Variants in LRP8 observed in about 807,000 individuals in gnomAD.
LRP8 encodes the protein LDL receptor related protein 8.
In LRP8, 46 loss-of-function variants were observed where a neutral mutation model predicts 111.6. That is an observed-to-expected ratio of 0.41 (90% CI 0.33 to 0.53). The LOEUF (loss-of-function observed/expected upper bound fraction) is 0.53, where lower values mean the gene tolerates loss of function less well. LRP8 is among the 20% of genes least tolerant of loss of function. LRP8 has a pLI of 0.20. For missense variants in LRP8, 959 were observed against 1,297.4 expected (o/e 0.74, Z 4.01); for synonymous variants, 464 against 511.2 (o/e 0.91, Z 1.24).
intron 3 of LRP8, among the ~76,000 whole-genome samples, chr1:53,287,561 G>A (rs1647755860): frequency 6.6e-6 from 1 of 152,230 alleles, no homozygotes; most frequent in East Asian, 1.9e-4. Context: ...CTCCTGGGGT[G>A]CTGCCTTGGC....
chr1:53,318,621 G>C (rs1477665014), intron 2 of LRP8, among the ~76,000 whole-genome samples: 1 of 152,152 alleles, frequency 6.6e-6, no homozygotes, highest in East Asian at 1.9e-4. Context: ...GAAAAACATG[G>C]AAGCAACCAA....
chr1:53,297,087 C>A (rs929500703), intron 2 of LRP8, among the ~76,000 whole-genome samples: 4 of 152,300 alleles, frequency 2.6e-5, no homozygotes, highest in African/African-American at 9.6e-5. Context: ...TAACCCCTCC[C>A]TGGACATGTG....
chr1:53,251,815 A>G (rs972882419), intron 16 of LRP8, among the ~76,000 whole-genome samples: 9 of 152,010 alleles, frequency 5.9e-5, no homozygotes, highest in Admixed American at 5.9e-4. Context: ...AGGCTGAGGC[A>G]GGCAGATTAC....
chr1:53,300,988 G>A (rs115753007), intron 2 of LRP8, among the ~76,000 whole-genome samples: 21 of 152,338 alleles, frequency 1.4e-4, no homozygotes, highest in African/African-American at 4.8e-4. Flanking sequence ...CTCACAAGGT[G>A]AGAGTGAAAG....
At position 53,281,461 on chromosome 1, in the gene LRP8, G is replaced by A. The variant is rs1006993308; in HGVS notation, c.368-746C>T. Among the ~76,000 whole-genome samples the A allele has an allele frequency of 2.6e-5, 4 of 152,248 alleles. 1 individual carries two copies. The highest frequency in any genetic ancestry group is 5.9e-5 in the Non-Finnish European group (4 of 68,044). ...TGTGACAGGCTCAGCCAAGGCAGAT[G>A]CATCTCAGACCTCCGTGGTTGGCTC... On this transcript the variant is annotated intron_variant, in intron 3 of 18. Transcript: ENST00000306052.
chr1:53,249,832 T>C lies in LRP8; in HGVS notation c.2677-276A>G, dbSNP rs1645840138. Among the ~76,000 whole-genome samples, 1 of 152,262 alleles carries C rather than the reference T, an allele frequency of 6.6e-6. No homozygotes were observed. Among genetic ancestry groups the C allele is most frequent in the Non-Finnish European group, 1.5e-5 (1 of 68,052 alleles). ...TGCCTGATTCCCCAGACAGAATTAA[T>C]AGCTCCCTTGTTGATGTTTCCATGG... is the stretch of plus-strand genomic sequence containing the variant. On this transcript the variant is annotated intron_variant, in intron 17 of 18. Coordinates refer to ENST00000306052, the MANE Select transcript of LRP8 (RefSeq NM_004631.5). The surrounding 1 kb of genome is among the most constrained non-coding windows in gnomAD (Gnocchi z 4.1).
intron 6 of LRP8, chr1:53,274,833 A>G (rs958845477): frequency 1.5e-5 from 7 of 456,170 alleles, no homozygotes; most frequent in Admixed American, 4.7e-5. Flanking sequence ...GTTGGGCCGG[A>G]CAAGAGAGTG....
In LRP8 at chr1:53,249,434, C is replaced by T; in HGVS notation, c.2799G>A (p.Gln933=). 6 of 1,614,250 alleles carry T rather than the reference C, an allele frequency of 3.7e-6. No individual in the cohort carries two copies. The highest frequency in any genetic ancestry group is 5.1e-6 in the Non-Finnish European group (6 of 1,180,046). ...LFVLPGEPRS[Q]LHQLPKNPLS... The stretch of plus-strand genomic sequence containing the variant: ...GAGGGTTCTTCGGGAGTTGGTGCAG[C>T]TGTGACCTTGGTTCCCCCGGCAAGA... Residue 933 remains glutamine, a synonymous_variant, in exon 18 of 19, where the codon CAG becomes CAA. Transcript: ENST00000306052. This position sits in a 1 kb window ranked among gnomAD's most constrained non-coding sequence, Gnocchi z 4.1.
At position 53,279,340 on chromosome 1, in the gene LRP8, T is replaced by C. The variant is rs559539062; in HGVS notation, c.496+1247A>G. Among the ~76,000 whole-genome samples the C allele has an allele frequency of 2.0e-5, 3 of 152,322 alleles. No homozygotes were observed. The highest frequency in any genetic ancestry group is 7.2e-5 in the African/African-American group (3 of 41,576). On this transcript the variant is annotated intron_variant, in intron 4 of 18. Transcript: ENST00000306052. This position sits in a 1 kb window ranked among gnomAD's most constrained non-coding sequence, Gnocchi z 4.4. The stretch of plus-strand genomic sequence containing the variant: ...CCATAATTAATGGGGAATGTTCCTA[T>C]TCCAACATGCCCTAGTTGGAGAGAC...
rs560862311 is a variant in LRP8, at chr1:53,247,075, G to T, written c.2854-19C>A. On this transcript the variant is annotated intron_variant, in intron 18 of 18. Coordinates refer to ENST00000306052, the MANE Select transcript of LRP8 (RefSeq NM_004631.5). Reference sequence around the variant, plus strand: ...CCACTCGCTGGGGAGACAAACCAAAGAATTCATCATTAGATCCATAAGAGT... The same window carrying T: ...CCACTCGCTGGGGAGACAAACCAAATAATTCATCATTAGATCCATAAGAGT... The T allele has an allele frequency of 5.1e-6, 8 of 1,579,876 alleles. No homozygotes were observed. The highest frequency in any genetic ancestry group is 3.5e-5 in the South Asian group (3 of 85,038).
chr1:53,320,211 G>A (rs1303626490), intron 2 of LRP8, among the ~76,000 whole-genome samples: 2 of 152,378 alleles, frequency 1.3e-5, no homozygotes, highest in Non-Finnish European at 2.9e-5. Context: ...GCAGGGCCCA[G>A]TGGGGCCAGT....
chr1:53,315,740 C>T (rs1653709335), intron 2 of LRP8, among the ~76,000 whole-genome samples: 1 of 152,186 alleles, frequency 6.6e-6, no homozygotes, highest in African/African-American at 2.4e-5. Context: ...TGACACAAAC[C>T]ACTGATCTAA....
intron 16 of LRP8, 35 bp downstream of exon 16, chr1:53,255,082 C>T (rs1646032388): frequency 6.2e-7 from 1 of 1,610,092 alleles, no homozygotes; most frequent in African/African-American, 1.3e-5. Context: ...AGCAGGGTCT[C>T]TCTTTTCTCT....
In LRP8 at chr1:53,245,448, T is replaced by C. The variant is rs929867063; in HGVS notation, c.*1570A>G. ...TGGGACTATAGGATTATGTTTCCAA[T>C]GGGAGACCCCACAAGTAGAAAAGAG... On this transcript the variant is annotated 3_prime_UTR_variant, in exon 19 of 19. Coordinates refer to ENST00000306052, the MANE Select transcript of LRP8 (RefSeq NM_004631.5). The C allele has an allele frequency of 5.3e-5, 8 of 152,186 alleles. No homozygotes were observed. Among genetic ancestry groups the C allele is most frequent in the South Asian group, 4.1e-4 (2 of 4,828 alleles). The allele number at this position is 152,186 out of a possible 1,614,324, so 9.4% of individuals were successfully genotyped here.
intron 3 of LRP8, among the ~76,000 whole-genome samples, chr1:53,285,148 GA>G (rs1375755808): frequency 1.3e-5 from 2 of 152,340 alleles, no homozygotes; most frequent in African/African-American, 4.8e-5. Context: ...GTAAAGCCCA[GA>G]AAGAGTAAGT....
chr1:53,282,025 TC>T (rs1317582061), intron 3 of LRP8, among the ~76,000 whole-genome samples: 2 of 152,202 alleles, frequency 1.3e-5, no homozygotes, highest in Non-Finnish European at 2.9e-5. Context: ...AATCCATTTC[TC>T]CCCGGAGGCA....
At position 53,249,444 on chromosome 1, in the gene LRP8, G is replaced by A; in HGVS notation, c.2789C>T (p.Pro930Leu). 1 of 1,614,200 alleles carries A rather than the reference G, an allele frequency of 6.2e-7. No homozygotes were observed. Among genetic ancestry groups the A allele is most frequent in the Non-Finnish European group, 8.5e-7 (1 of 1,180,042 alleles). ...LKELFVLPGE[P>L]RSQLHQLPKN... Reference sequence around the variant, plus strand: ...CGGGAGTTGGTGCAGCTGTGACCTTGGTTCCCCCGGCAAGACAAAAAGCTC... The same window carrying A: ...CGGGAGTTGGTGCAGCTGTGACCTTAGTTCCCCCGGCAAGACAAAAAGCTC... Residue 930 changes from proline (P) to leucine (L), a missense_variant, in exon 18 of 19, where the codon CCA (proline) becomes CTA (leucine). Coordinates refer to ENST00000306052, the MANE Select transcript of LRP8 (RefSeq NM_004631.5). The surrounding 1 kb of genome is among the most constrained non-coding windows in gnomAD (Gnocchi z 4.1).
At chr1:53,255,688 G>A (rs1646059540) in intron 15 of LRP8, among the ~76,000 whole-genome samples, 2 of 152,218 alleles carry the variant, frequency 1.3e-5, no homozygotes, top group Non-Finnish European at 2.9e-5. Context: ...ATAGTGTAGA[G>A]GAATCAAAAG....
At chr1:53,316,426 T>C (rs1653810250) in intron 2 of LRP8, among the ~76,000 whole-genome samples, 1 of 152,142 alleles carries the variant, frequency 6.6e-6, no homozygotes, top group Non-Finnish European at 1.5e-5. Flanking sequence ...AGCACAAAAA[T>C]AAGTAGGTGT....
Sources: gnomAD v4.1 joint callset for allele counts (sites outside exome capture counted in the v4.1 genomes callset) on GRCh38, gnomAD v4.1.1 for gene constraint, Gnocchi (gnomAD v3.1) non-coding constraint, MANE v1.5 for transcripts, NCBI Gene and HGNC (gene_info 2026-07-23, HGNC 2026-07-21) for gene names.